LPA: variants seen among roughly 807,000 people sequenced by gnomAD.
LPA encodes apolipoprotein(a).
A neutral mutation model predicts 197.9 loss-of-function variants in LPA; 199 were observed. The observed-to-expected ratio is 1.01, with a 90% CI of 0.90 to 1.13. The LOEUF (loss-of-function observed/expected upper bound fraction) is 1.13. Among genes scored for constraint, LPA ranks in the 50% most tolerant of loss-of-function variants. The pLI, the probability that LPA is intolerant of heterozygous loss-of-function variation, is 0.00. For synonymous variants in LPA, 715 were observed against 639.5 expected (o/e 1.12, Z -1.78); for missense variants, 1,853 against 1,785.8 (o/e 1.04, Z -0.68).
intron 37 of LPA, among the ~76,000 whole-genome samples, chr6:160,537,441 A>G (rs76029168): frequency 2.6e-3 from 403 of 152,322 alleles, no homozygotes; most frequent in African/African-American, 8.9e-3. Flanking sequence ...ATGTTTAGAA[A>G]CGCAGTCTGT....
rs1355976468 is a variant in LPA at position 160,589,471 on chromosome 6, A to T, written c.3947+82T>A. The stretch of plus-strand genomic sequence containing the variant: ...TGGGTCTGAGAGAAATTGGGTCATA[A>T]GAAGTTAGCTGGAAGCATGGCTCTT... On this transcript the variant is annotated intron_variant, in intron 24 of 38. Transcript: ENST00000316300. 4 of 1,542,290 alleles carry T rather than the reference A, an allele frequency of 2.6e-6. No homozygotes were observed. The East Asian group carries it at 9.0e-5, about 35-fold the overall frequency.
chr6:160,547,016 T>C (rs963734309), intron 32 of LPA, among the ~76,000 whole-genome samples: 3 of 152,170 alleles, frequency 2.0e-5, no homozygotes, highest in Non-Finnish European at 2.9e-5. Flanking sequence ...CCAACTTTTT[T>C]GGCACCAGAG....
chr6:160,533,445 C>T (rs1220131999), intron 37 of LPA, among the ~76,000 whole-genome samples: 2 of 152,180 alleles, frequency 1.3e-5, no homozygotes, highest in African/African-American at 2.4e-5. Context: ...GGTTGTATAG[C>T]TCAGCTTGAG....
At chr6:160,607,614 CCTCT>C (rs1346822200) in intron 16 of LPA, among the ~76,000 whole-genome samples, 1 of 152,090 alleles carries the variant, frequency 6.6e-6, no homozygotes, top group Admixed American at 6.5e-5. Context: ...GTTGCTCCAA[CCTCT>C]CTCTATCCTC....
chr6:160,568,147 G>A lies in LPA; in HGVS notation c.4631+8989C>T, dbSNP rs201397036. On this transcript the variant is annotated intron_variant, in intron 28 of 38. Coordinates refer to ENST00000316300, the MANE Select transcript of LPA (RefSeq NM_005577.4). ...CTCCCTAACTCATTTTATGAGGCCA[G>A]CATCATCCTGATACCAAATCCTGGC... Among the ~76,000 whole-genome samples the A allele has an allele frequency of 2.6e-5, 4 of 152,290 alleles. No individual in the cohort carries two copies. In the East Asian group the frequency reaches 7.7e-4, roughly 29 times the overall value.
At chr6:160,601,221 A>C in intron 18 of LPA, 123 bp from the exon 19 acceptor site, 1 of 797,282 alleles carries the variant, frequency 1.3e-6, no homozygotes, top group Non-Finnish European at 2.2e-6. Context: ...ATACCATACA[A>C]TTGCCACAAT....
intron 1 of LPA, among the ~76,000 whole-genome samples, chr6:160,651,131 A>G (rs1779998267): frequency 6.6e-6 from 1 of 152,178 alleles, no homozygotes; most frequent in Non-Finnish European, 1.5e-5. Context: ...CCACAGGTTC[A>G]AGTTCCATCC....
chr6:160,573,345 C>CTT (rs200682905), intron 28 of LPA, among the ~76,000 whole-genome samples: 5 of 145,760 alleles, frequency 3.4e-5, no homozygotes, highest in East Asian at 2.0e-4. Context: ...CTTCTTATAC[C>CTT]TTTTTTTTTT....
chr6:160,568,920 T>TC (rs1778512226), intron 28 of LPA, among the ~76,000 whole-genome samples: 1 of 152,120 alleles, frequency 6.6e-6, no homozygotes. Context: ...GAATCCAACT[T>TC]ACAAGGGATG....
intron 1 of LPA, among the ~76,000 whole-genome samples, chr6:160,652,800 A>G (rs1327530172): frequency 6.6e-6 from 1 of 152,148 alleles, no homozygotes; most frequent in Non-Finnish European, 1.5e-5. Context: ...AAGTGCAATG[A>G]TGTAAGATTT....
chr6:160,547,477 G>A (rs1562316902), intron 32 of LPA, among the ~76,000 whole-genome samples: 2 of 152,126 alleles, frequency 1.3e-5, no homozygotes, highest in African/African-American at 2.4e-5. Context: ...TTCCTAACAG[G>A]CCACAGATAA....
At chr6:160,555,321 G>GTA (rs1314480191) in intron 30 of LPA, among the ~76,000 whole-genome samples, 3 of 132,510 alleles carry the variant, frequency 2.3e-5, no homozygotes, top group Non-Finnish European at 1.6e-5. Flanking sequence ...GTGTGTGTGT[G>GTA]TATGTGTGTG....
chr6:160,543,687 T>C (rs1050275031), intron 33 of LPA, among the ~76,000 whole-genome samples: 1 of 152,266 alleles, frequency 6.6e-6, no homozygotes, highest in East Asian at 1.9e-4. Flanking sequence ...ACATGCATCA[T>C]TGTACTAAAA....
intron 20 of LPA, among the ~76,000 whole-genome samples, chr6:160,598,241 T>TCTATGC (rs1292365655): frequency 3.3e-5 from 5 of 152,196 alleles, no homozygotes; most frequent in Non-Finnish European, 7.3e-5. Context: ...TGGAAAATCT[T>TCTATGC]CTATGCAAGT....
At position 160,556,050 on chromosome 6, in the gene LPA, T is replaced by C; in HGVS notation, c.4948A>G (p.Arg1650Gly). 1 of 1,612,518 alleles carries C rather than the reference T, an allele frequency of 6.2e-7. No homozygotes were observed. Among genetic ancestry groups the C allele is most frequent in the Non-Finnish European group, 8.5e-7 (1 of 1,178,648 alleles). Residue 1650 changes from arginine (R) to glycine (G), a missense_variant, in exon 30 of 39, where the codon AGG (arginine) becomes GGG (glycine). By Grantham distance (125) the Arg-to-Gly change is moderately radical. Coordinates refer to ENST00000316300, the MANE Select transcript of LPA (RefSeq NM_005577.4). Reference sequence around the variant, plus strand: ...TCATTTGGGTAGTTTTCTGGGGTCCTCTGATGCCGGTGTGGTGTCATGGAT... The same window carrying C: ...TCATTTGGGTAGTTTTCTGGGGTCCCCTGATGCCGGTGTGGTGTCATGGAT... ...WSSMTPHRHQ[R>G]TPENYPNDGL...
chr6:160,568,819 C>A (rs1778510405), intron 28 of LPA, among the ~76,000 whole-genome samples: 1 of 152,176 alleles, frequency 6.6e-6, no homozygotes, highest in African/African-American at 2.4e-5. Flanking sequence ...GTGCAAAAAT[C>A]ACAAGCATTC....
intron 29 of LPA, 90 bp downstream of exon 29, chr6:160,557,300 T>C: frequency 1.0e-5 from 15 of 1,456,578 alleles, no homozygotes; most frequent in Non-Finnish European, 1.3e-5. Flanking sequence ...AGTTTCTGTG[T>C]AGCATGGAAG....
At chr6:160,597,229 C>T (rs1241035772) in intron 20 of LPA, among the ~76,000 whole-genome samples, 1 of 152,120 alleles carries the variant, frequency 6.6e-6, no homozygotes, top group Non-Finnish European at 1.5e-5. Flanking sequence ...TTTGTTCTAG[C>T]CTGTTGTGTT....
intron 1 of LPA, among the ~76,000 whole-genome samples, chr6:160,655,078 T>C (rs183995849): frequency 6.6e-6 from 1 of 152,250 alleles, no homozygotes; most frequent in African/African-American, 2.4e-5. Flanking sequence ...ACCACTTCAA[T>C]TTGATGATGA....
Sources: allele counts gnomAD v4.1 joint callset (sites outside exome capture counted in the v4.1 genomes callset), GRCh38; gene constraint gnomAD v4.1.1; transcripts MANE v1.5; gene names NCBI Gene and HGNC (gene_info 2026-07-23, HGNC 2026-07-21).